Variants in DTL observed in about 807,000 individuals in gnomAD.
The protein encoded by DTL is denticleless E3 ubiquitin protein ligase adapter.
Under a neutral mutation model 87.0 loss-of-function variants are expected in DTL, and 46 were observed. The observed-to-expected ratio is 0.53, with a 90% CI of 0.42 to 0.68. The LOEUF (loss-of-function observed/expected upper bound fraction) is 0.68, where lower values mean the gene tolerates loss of function less well. DTL is among the 30% of genes least tolerant of loss of function. The pLI is 0.00. For missense variants in DTL, 737 were observed against 869.4 expected (o/e 0.85, Z 1.91); for synonymous variants, 308 against 311.2 (o/e 0.99, Z 0.11).
intron 10 of DTL, among the ~76,000 whole-genome samples, chr1:212,071,036 A>G (rs1453919328): frequency 6.6e-6 from 1 of 152,246 alleles, no homozygotes; most frequent in Non-Finnish European, 1.5e-5. Context: ...TTTATTTTGC[A>G]GTGATAATAG....
intron 1 of DTL, among the ~76,000 whole-genome samples, chr1:212,040,002 A>G (rs1173187739): frequency 6.6e-6 from 1 of 152,212 alleles, no homozygotes; most frequent in East Asian, 1.9e-4. Flanking sequence ...ATTAAAAAAT[A>G]CTTTCTTCAA....
rs1667428616 is a variant in DTL at position 212,035,847 on chromosome 1, T to C, written c.-44T>C. On this transcript the variant is annotated 5_prime_UTR_variant, in exon 1 of 15. Transcript: ENST00000366991. ...GCGATTTCTGCTGAACTTGGAGGCA[T>C]TTCTACGACTTTTCTCTCAGCTGAG... The C allele has an allele frequency of 2.5e-6, 4 of 1,604,610 alleles. No individual in the cohort carries two copies. The South Asian group carries it at 4.4e-5, about 18-fold the overall frequency.
chr1:212,050,479 C>T (rs1380445489), intron 5 of DTL, among the ~76,000 whole-genome samples: 2 of 152,184 alleles, frequency 1.3e-5, no homozygotes, highest in Non-Finnish European at 2.9e-5. Flanking sequence ...TTTATTTCCT[C>T]TCCTACAAAC....
intron 13 of DTL, among the ~76,000 whole-genome samples, chr1:212,096,050 T>C (rs984051683): frequency 1.3e-5 from 2 of 152,028 alleles, no homozygotes; most frequent in Non-Finnish European, 2.9e-5. Flanking sequence ...TCTAAGTGCT[T>C]GTTATTGGTC....
chr1:212,061,985 C>A (rs949370134), intron 5 of DTL, among the ~76,000 whole-genome samples: 5 of 152,104 alleles, frequency 3.3e-5, no homozygotes, highest in Admixed American at 2.0e-4. Context: ...TTTCAAGCAG[C>A]TAGAAGAGAG....
intron 13 of DTL, among the ~76,000 whole-genome samples, chr1:212,083,058 C>G (rs907661182): frequency 3.3e-5 from 5 of 152,114 alleles, no homozygotes; most frequent in Admixed American, 6.5e-5. Context: ...GCATATTAGT[C>G]CATTTTCACA....
intron 13 of DTL, among the ~76,000 whole-genome samples, chr1:212,081,933 G>C (rs949285600): frequency 6.6e-6 from 1 of 152,216 alleles, no homozygotes; most frequent in Non-Finnish European, 1.5e-5. Flanking sequence ...TAATTCTGCA[G>C]TTCAGGGTTG....
At chr1:212,036,765 G>C (rs888238641) in intron 1 of DTL, among the ~76,000 whole-genome samples, 1 of 152,210 alleles carries the variant, frequency 6.6e-6, no homozygotes, top group Non-Finnish European at 1.5e-5. Flanking sequence ...TCAGATAAGG[G>C]AGCTAACTAC....
rs565384619 is a variant in DTL at position 212,067,971 on chromosome 1, G to A, written c.714-253G>A. Among the ~76,000 whole-genome samples, 8 of 152,172 alleles carry A rather than the reference G, an allele frequency of 5.3e-5. No individual in the cohort carries two copies. The East Asian group carries it at 7.7e-4, about 15-fold the overall frequency. ...CACTCAACCTTCATCTTCCTTTTCC[G>A]TTCTCTTAGAGTAAACTCCAGTAAC... On this transcript the variant is annotated intron_variant, in intron 8 of 14. Transcript: ENST00000366991.
intron 5 of DTL, among the ~76,000 whole-genome samples, chr1:212,048,848 G>A (rs1402832764): frequency 6.6e-6 from 1 of 151,298 alleles, no homozygotes; most frequent in Non-Finnish European, 1.5e-5. Flanking sequence ...AAAATCAAAT[G>A]TTTTCATTTA....
chr1:212,058,190 A>G lies in DTL; in HGVS notation c.461-4694A>G, dbSNP rs115968660. 8.0e-3 allele frequency among the ~76,000 whole-genome samples: 1,215 copies of G among 152,254 alleles called. 17 individuals carry two copies. Among genetic ancestry groups the G allele is most frequent in the African/African-American group, 0.027 (1,142 of 41,564 alleles). ...AAAGAAAATTGGATTTAAACTGCAC[A>G]TTAGACCAAATGGACCTAAGAGATA... On this transcript the variant is annotated intron_variant, in intron 5 of 14. Coordinates refer to ENST00000366991, the MANE Select transcript of DTL (RefSeq NM_016448.4).
At chr1:212,058,395 A>T (rs1668243371) in intron 5 of DTL, among the ~76,000 whole-genome samples, 1 of 152,186 alleles carries the variant, frequency 6.6e-6, no homozygotes, top group African/African-American at 2.4e-5. Context: ...AATCAACAAC[A>T]AAAGGAAGTT....
At chr1:212,087,181 T>G (rs561449729) in intron 13 of DTL, among the ~76,000 whole-genome samples, 1 of 151,856 alleles carries the variant, frequency 6.6e-6, no homozygotes, top group African/African-American at 2.4e-5. Context: ...AGAACCAGAG[T>G]CTATAATTGA....
chr1:212,101,950 A>G (rs965123684), intron 14 of DTL, among the ~76,000 whole-genome samples: 1 of 152,210 alleles, frequency 6.6e-6, no homozygotes, highest in Non-Finnish European at 1.5e-5. Flanking sequence ...GGGTTAAGGA[A>G]GTTTCCACTG....
chr1:212,071,634 C>G (rs1234094490), intron 10 of DTL, among the ~76,000 whole-genome samples: 1 of 151,920 alleles, frequency 6.6e-6, no homozygotes, highest in Non-Finnish European at 1.5e-5. Context: ...AGGATCTACT[C>G]TGTTCAAAGC....
chr1:212,063,953 C>T (rs1292545410), intron 6 of DTL, among the ~76,000 whole-genome samples: 1 of 147,796 alleles, frequency 6.8e-6, no homozygotes, highest in African/African-American at 2.5e-5. Flanking sequence ...AGTGCAGTGG[C>T]GTGATCTCAT....
chr1:212,057,264 C>T (rs549181776), intron 5 of DTL, among the ~76,000 whole-genome samples: 1 of 151,728 alleles, frequency 6.6e-6, no homozygotes, highest in East Asian at 1.9e-4. Context: ...CATCTAGTCA[C>T]CTATAAAAGA....
At position 212,100,355 on chromosome 1, in the gene DTL, T is replaced by C. The variant is rs1464822381; in HGVS notation, c.1365T>C (p.Ala455=). 5 of 1,613,930 alleles carry C rather than the reference T, an allele frequency of 3.1e-6. No individual in the cohort carries two copies. Among genetic ancestry groups the C allele is most frequent in the Non-Finnish European group, 4.2e-6 (5 of 1,179,996 alleles). Residue 455 remains alanine (A), a synonymous_variant, in exon 14 of 15, where the codon GCT becomes GCC. Transcript: ENST00000366991. ...PSSAACAPSC[A]GDLPLPSNTP... is the part of the protein sequence containing the mutation. Reference sequence around the variant, plus strand: ...CCGCAGCTTGTGCCCCAAGCTGTGCTGGAGACCTCCCTCTTCCTTCAAATA... The same window carrying C: ...CCGCAGCTTGTGCCCCAAGCTGTGCCGGAGACCTCCCTCTTCCTTCAAATA...
intron 13 of DTL, 104 bp downstream of exon 13, chr1:212,080,854 A>C (rs1654970778): frequency 1.6e-6 from 2 of 1,241,342 alleles, no homozygotes; most frequent in African/African-American, 1.5e-5. Context: ...ATGTTTTTAA[A>C]GAAAAGCACT....
Sources: gnomAD v4.1 joint callset for allele counts (sites outside exome capture counted in the v4.1 genomes callset) on GRCh38, gnomAD v4.1.1 for gene constraint, MANE v1.5 for transcripts, NCBI Gene and HGNC (gene_info 2026-07-23, HGNC 2026-07-21) for gene names.